The following ACTR3 variants were observed in gnomAD, a reference collection of about 807,000 sequenced individuals.
The protein encoded by ACTR3 is actin related protein 3, also known as actin-related protein 3.
Under a neutral mutation model 56.8 loss-of-function variants are expected in ACTR3, and 12 were observed. That is an observed-to-expected ratio of 0.21 (90% CI 0.14 to 0.34). ACTR3 has a LOEUF of 0.34. Ranked by LOEUF, ACTR3 falls within the 10% of genes least tolerant of loss-of-function variation. The probability of loss-of-function intolerance (pLI) is 1.00; values close to 1 mark genes in which losing one functional copy is unlikely to be tolerated. For missense variants in ACTR3, 282 were observed against 512.5 expected, an observed-to-expected ratio of 0.55 and a Z score of 4.34; for synonymous variants, 162 against 167.4, an observed-to-expected ratio of 0.97 and a Z score of 0.25.
intron 10 of ACTR3, chr2:113,952,135 C>A: frequency 7.9e-6 from 2 of 254,516 alleles, no homozygotes; most frequent in Non-Finnish European, 1.5e-5. Flanking sequence ...TTTGCATACA[C>A]CAACAATCAA....
intron 1 of ACTR3, among the ~76,000 whole-genome samples, chr2:113,903,535 G>C (rs956486697): frequency 7.3e-6 from 1 of 136,274 alleles, no homozygotes; most frequent in Non-Finnish European, 1.5e-5. Flanking sequence ...TCTGCTAATT[G>C]TCTTTTTTTT....
intron 5 of ACTR3, chr2:113,933,780 C>G: frequency 6.6e-6 from 1 of 152,092 alleles, no homozygotes; most frequent in South Asian, 2.0e-4. Flanking sequence ...CCCGGGTTCA[C>G]GCCATTCTCC....
intron 1 of ACTR3, among the ~76,000 whole-genome samples, chr2:113,891,352 G>C (rs1678891424): frequency 6.6e-6 from 1 of 151,562 alleles, no homozygotes; most frequent in African/African-American, 2.4e-5. Context: ...GTTACTCGTA[G>C]ATATGTAGGG....
intron 8 of ACTR3, among the ~76,000 whole-genome samples, chr2:113,944,874 C>G (rs913998347): frequency 1.3e-5 from 2 of 152,144 alleles, no homozygotes; most frequent in African/African-American, 2.4e-5. Context: ...ATTCTTTACT[C>G]AAGGTAGCAG....
intron 1 of ACTR3, among the ~76,000 whole-genome samples, chr2:113,896,449 G>A (rs1389119822): frequency 1.3e-5 from 2 of 152,236 alleles, no homozygotes; most frequent in Non-Finnish European, 2.9e-5. Context: ...CCAGTGGATT[G>A]TAAATAGGCA....
intron 4 of ACTR3, among the ~76,000 whole-genome samples, chr2:113,928,282 G>A (rs1211789539): frequency 6.6e-6 from 1 of 152,106 alleles, no homozygotes; most frequent in Non-Finnish European, 1.5e-5. Flanking sequence ...TAGATTCGAT[G>A]ATTAACCTTA....
chr2:113,938,007 T>C (rs1379403057), intron 6 of ACTR3, among the ~76,000 whole-genome samples: 2 of 152,132 alleles, frequency 1.3e-5, no homozygotes, highest in Admixed American at 6.5e-5. Flanking sequence ...TCAAAGATCA[T>C]GATGCTCTGT....
At chr2:113,943,518 C>T (rs533871341) in intron 8 of ACTR3, among the ~76,000 whole-genome samples, 30 of 152,126 alleles carry the variant, frequency 2.0e-4, no homozygotes, top group African/African-American at 5.3e-4. Context: ...TTGGTTTGGA[C>T]GGGTTGGAAC....
Position 113,890,220 on chromosome 2 carries a change from C to T in ACTR3, c.-60C>T. 5.2e-6 allele frequency: 8 copies of T among 1,549,944 alleles called. No homozygotes were observed. The highest frequency in any genetic ancestry group is 2.0e-5 in the Admixed American group (1 of 51,000). On this transcript the variant is annotated 5_prime_UTR_variant, in exon 1 of 12. Coordinates refer to ENST00000263238, the MANE Select transcript of ACTR3 (RefSeq NM_005721.5). ...ATAGCCCTTGTCTCCCGCCGCCAAT[C>T]TCTGGCCCCTAGCAGCACGGAGCAG...
chr2:113,954,141 G>A (rs565316287), intron 10 of ACTR3: 3 of 152,244 alleles, frequency 2.0e-5, no homozygotes, highest in African/African-American at 7.2e-5. Flanking sequence ...TTAGTGCATT[G>A]TATCAGTAGA....
intron 8 of ACTR3, among the ~76,000 whole-genome samples, chr2:113,945,369 A>G (rs1446168143): frequency 6.6e-6 from 1 of 152,004 alleles, no homozygotes; most frequent in African/African-American, 2.4e-5. Flanking sequence ...CTGTGATGGT[A>G]TTGCAGGAAC....
In ACTR3 at chr2:113,942,504, C is replaced by T. The variant is rs545512171; in HGVS notation, c.858+145C>T. On this transcript the variant is annotated intron_variant, in intron 8 of 11. Transcript: ENST00000263238. ...AAAAGTTTATAAAACATTTTATGAA[C>T]TTTTTAAAGAAAAAATTTGCTTTTG... 151 of 601,782 alleles carry T rather than the reference C, an allele frequency of 2.5e-4. 2 individuals carry two copies. In the South Asian group the frequency reaches 0.01, roughly 40 times the overall value. The allele number at this position is 601,782 out of a possible 1,614,324, so 37.3% of individuals were successfully genotyped here. A position where few individuals can be genotyped will look rare whatever the true frequency, so the allele number is the denominator to read the frequency against.
Position 113,916,013 on chromosome 2 carries a change from T to C in ACTR3, c.101-871T>C, listed in dbSNP as rs371250331. ...ATATTTATTTTTAGGAAATTTATAG[T>C]GAGCCACCTGGATGTCTATGTACAC... On this transcript the variant is annotated intron_variant, in intron 2 of 11. Transcript: ENST00000263238. Among the ~76,000 whole-genome samples the C allele has an allele frequency of 1.2e-4, 18 of 152,338 alleles. No individual in the cohort carries two copies. In the East Asian group the frequency reaches 3.5e-3, roughly 29 times the overall value.
At chr2:113,942,509 T>C in intron 8 of ACTR3, 150 bp downstream of exon 8, 1 of 606,630 alleles carries the variant, frequency 1.6e-6, no homozygotes, top group Non-Finnish European at 2.4e-6. Flanking sequence ...ATGAACTTTT[T>C]AAAGAAAAAA....
chr2:113,946,263 G>A (rs1680018213), intron 8 of ACTR3, among the ~76,000 whole-genome samples: 3 of 151,622 alleles, frequency 2.0e-5, no homozygotes, highest in African/African-American at 7.3e-5. Flanking sequence ...GAGTATAAGC[G>A]TTTCTTTTTC....
chr2:113,904,937 A>G (rs546285534), intron 1 of ACTR3: 83 of 152,034 alleles, frequency 5.5e-4, no homozygotes, highest in African/African-American at 1.9e-3. Context: ...GGTACCCTTT[A>G]TATGTTAAAG....
intron 6 of ACTR3, among the ~76,000 whole-genome samples, chr2:113,939,315 C>T (rs1679884510): frequency 6.6e-6 from 1 of 152,180 alleles, no homozygotes; most frequent in Non-Finnish European, 1.5e-5. Flanking sequence ...AGCCACCGCG[C>T]CCGGCCGAAA....
rs1287447040 is a variant in ACTR3 at position 113,960,462 on chromosome 2, CTTTATT to C, written c.*3012_*3017del. ...ACAGGGATAATAGGCCAATTATGAT[CTTTATT>C]TTTAATTTCTACAGAAAAGTACTAG... On this transcript the variant is annotated 3_prime_UTR_variant, in exon 12 of 12. Transcript: ENST00000263238. The C allele has an allele frequency of 5.9e-5, 9 of 151,930 alleles. No homozygotes were observed. The East Asian group carries it at 1.5e-3, about 26-fold the overall frequency. The allele number at this position is 151,930 out of a possible 1,614,324, so 9.4% of individuals were successfully genotyped here.
intron 4 of ACTR3, among the ~76,000 whole-genome samples, chr2:113,928,882 C>G (rs1455838611): frequency 1.3e-5 from 2 of 152,156 alleles, no homozygotes; most frequent in African/African-American, 4.8e-5. Flanking sequence ...AATCTCTGCC[C>G]CCGTGCCCTA....
Sources: allele counts gnomAD v4.1 joint callset (sites outside exome capture counted in the v4.1 genomes callset), GRCh38; gene constraint gnomAD v4.1.1; transcripts MANE v1.5; gene names NCBI Gene and HGNC (gene_info 2026-07-23, HGNC 2026-07-21).